The following SCAP variants were observed in gnomAD, a reference collection of about 807,000 sequenced individuals.
SCAP encodes the protein sterol regulatory element-binding protein cleavage-activating protein.
In SCAP, 65 loss-of-function variants were observed where a neutral mutation model predicts 123.6. The ratio of observed to expected loss-of-function variants is 0.53; its 90% CI spans 0.43 to 0.65. The LOEUF is 0.65. SCAP is among the 30% of genes least tolerant of loss of function. The pLI, the probability that SCAP is intolerant of heterozygous loss-of-function variation, is 0.00. For synonymous variants in SCAP, 740 were observed against 726.3 expected (o/e 1.02, Z -0.30); for missense variants, 1,398 against 1,712.5 (o/e 0.82, Z 3.24).
Position 47,420,422 on chromosome 3 carries a change from G to C in SCAP, c.1563+132C>G. Reference sequence around the variant, plus strand: ...GGAGGACACAACGGGCAACTCCCCAGAGCCAGGCTTCCAGGGGCCACCAGG... The same window carrying C: ...GGAGGACACAACGGGCAACTCCCCACAGCCAGGCTTCCAGGGGCCACCAGG... On this transcript the variant is annotated intron_variant, in intron 12 of 22. Transcript: ENST00000265565. The surrounding 1 kb of genome is among the most constrained non-coding windows in gnomAD (Gnocchi z 5.0). The C allele has an allele frequency of 1.2e-6, 1 of 801,504 alleles. No individual in the cohort carries two copies. The highest frequency in any genetic ancestry group is 1.9e-6 in the Non-Finnish European group (1 of 520,270). The allele number at this position is 801,504 out of a possible 1,614,324, so 49.6% of individuals were successfully genotyped here.
rs779234569 is a variant in SCAP, at chr3:47,443,013, G to A, written c.-20C>T. ...GGTCATCCTCAGCCGAAGTCACCTT[G>A]CTGCCATCCCGGAAAGTGACCATGG... On this transcript the variant is annotated 5_prime_UTR_variant, in exon 2 of 23. Transcript: ENST00000265565. 1.2e-6 allele frequency: 2 copies of A among 1,613,032 alleles called. No individual in the cohort carries two copies. Among genetic ancestry groups the A allele is most frequent in the Non-Finnish European group, 1.7e-6 (2 of 1,179,962 alleles).
chr3:47,466,345 C>T (rs184277376), intron 1 of SCAP, among the ~76,000 whole-genome samples: 82 of 152,048 alleles, frequency 5.4e-4, no homozygotes, highest in Non-Finnish European at 9.3e-4. Context: ...AATAGAGAGC[C>T]CAGATCTTCT....
chr3:47,446,600 T>C (rs1284259295), intron 1 of SCAP, among the ~76,000 whole-genome samples: 1 of 152,140 alleles, frequency 6.6e-6, no homozygotes, highest in African/African-American at 2.4e-5. Flanking sequence ...CATAAGGTAA[T>C]TTTCCCCAAT....
In SCAP at chr3:47,443,084, G is replaced by A; in HGVS notation, c.-91C>T. ...ACAGCACTGACAAAGAACAACATGTGCAGGTACCTGGTAAGAAGGGAGAAA... is the reference window on the plus strand; with the variant it reads ...ACAGCACTGACAAAGAACAACATGTACAGGTACCTGGTAAGAAGGGAGAAA... On this transcript the variant is annotated 5_prime_UTR_variant, in exon 2 of 23. Coordinates refer to ENST00000265565, the MANE Select transcript of SCAP (RefSeq NM_012235.4). The A allele has an allele frequency of 3.2e-6, 5 of 1,582,778 alleles. No individual in the cohort carries two copies. Among genetic ancestry groups the A allele is most frequent in the East Asian group, 4.5e-5 (2 of 44,210 alleles).
Position 47,420,510 on chromosome 3 carries a change from C to A in SCAP, c.1563+44G>T. Reference sequence around the variant, plus strand: ...CAGCACCACAAGGGGCCTGGAGCACCGGCCCTCCAGAAGAGGGCAGGGCAG... The same window carrying A: ...CAGCACCACAAGGGGCCTGGAGCACAGGCCCTCCAGAAGAGGGCAGGGCAG... On this transcript the variant is annotated intron_variant, in intron 12 of 22. Coordinates refer to ENST00000265565, the MANE Select transcript of SCAP (RefSeq NM_012235.4). The surrounding 1 kb of genome is among the most constrained non-coding windows in gnomAD (Gnocchi z 5.0). 6.6e-7 allele frequency: 1 copy of A among 1,505,256 alleles called. No individual in the cohort carries two copies. The highest frequency in any genetic ancestry group is 2.3e-5 in the East Asian group (1 of 42,660). 93.2% of individuals were successfully genotyped at this position (1,505,256 alleles called of 1,614,324 possible).
chr3:47,475,675 T>C (rs905141734), intron 1 of SCAP, 124 bp downstream of exon 1: 6 of 152,656 alleles, frequency 3.9e-5, no homozygotes, highest in African/African-American at 1.4e-4. Flanking sequence ...GCACGGCTGC[T>C]GGACAGCGCC....
intron 1 of SCAP, among the ~76,000 whole-genome samples, chr3:47,456,333 G>T (rs1707423558): frequency 6.6e-6 from 1 of 152,016 alleles, no homozygotes; most frequent in African/African-American, 2.4e-5. Flanking sequence ...GCCTGGCAAG[G>T]TCCAGGCTGT....
intron 1 of SCAP, among the ~76,000 whole-genome samples, chr3:47,454,499 G>A (rs1417812796): frequency 6.6e-6 from 1 of 152,092 alleles, no homozygotes; most frequent in East Asian, 1.9e-4. Context: ...GACCAAGGCT[G>A]GTGGATCGTT....
chr3:47,453,918 C>A (rs1234661931), intron 1 of SCAP, among the ~76,000 whole-genome samples: 1 of 152,178 alleles, frequency 6.6e-6, no homozygotes, highest in Non-Finnish European at 1.5e-5. Context: ...AATGCTATTT[C>A]CTCCATAAGC....
At chr3:47,428,399 T>G in intron 4 of SCAP, 114 bp downstream of exon 4, 1 of 1,127,956 alleles carries the variant, frequency 8.9e-7, no homozygotes, top group Non-Finnish European at 1.3e-6. Flanking sequence ...CCATCCTTCT[T>G]GCTTGTTCTA....
At chr3:47,422,635 G>GC (rs1024255208) in intron 9 of SCAP, 99 bp from the exon 10 acceptor site, 25 of 916,608 alleles carry the variant, frequency 2.7e-5, no homozygotes, top group Non-Finnish European at 3.8e-5. Context: ...GCATGGCAAG[G>GC]CCCCCCAGCC....
At chr3:47,435,902 T>C (rs1041824267) in intron 2 of SCAP, among the ~76,000 whole-genome samples, 8 of 151,924 alleles carry the variant, frequency 5.3e-5, no homozygotes, top group African/African-American at 1.9e-4. Flanking sequence ...TCAAAAAAAT[T>C]AGCCAGGCAT....
At chr3:47,416,249 C>A (rs1705565442) in intron 18 of SCAP, among the ~76,000 whole-genome samples, 1 of 152,210 alleles carries the variant, frequency 6.6e-6, no homozygotes, top group Non-Finnish European at 1.5e-5. Flanking sequence ...CCCAGGTTCA[C>A]CAGCTTGGAG....
At chr3:47,427,976 C>G (rs907593073) in intron 4 of SCAP, among the ~76,000 whole-genome samples, 1 of 152,172 alleles carries the variant, frequency 6.6e-6, no homozygotes, top group African/African-American at 2.4e-5. Flanking sequence ...AGTGGATGAG[C>G]AGGGACCGGG....
intron 3 of SCAP, among the ~76,000 whole-genome samples, chr3:47,429,681 G>A (rs1326790532): frequency 6.6e-6 from 1 of 152,090 alleles, no homozygotes; most frequent in Non-Finnish European, 1.5e-5. Context: ...AGGCTGGTTA[G>A]TGCCTGTTTT....
At chr3:47,466,935 C>T (rs1707849465) in intron 1 of SCAP, among the ~76,000 whole-genome samples, 1 of 150,954 alleles carries the variant, frequency 6.6e-6, no homozygotes, top group South Asian at 2.1e-4. Flanking sequence ...AAAATAAATA[C>T]AAAAAAAATT....
At chr3:47,469,842 T>C (rs996580467) in intron 1 of SCAP, 42 of 584,226 alleles carry the variant, frequency 7.2e-5, no homozygotes, top group Non-Finnish European at 1.3e-4. Flanking sequence ...CAAGACTCCA[T>C]TTTGATCATA....
chr3:47,441,375 G>A (rs1706799478), intron 2 of SCAP, among the ~76,000 whole-genome samples: 1 of 152,126 alleles, frequency 6.6e-6, no homozygotes, highest in African/African-American at 2.4e-5. Context: ...GGCTGAGATG[G>A]GAGGGTCGCT....
chr3:47,441,559 C>A (rs1367525102), intron 2 of SCAP, among the ~76,000 whole-genome samples: 2 of 152,134 alleles, frequency 1.3e-5, no homozygotes, highest in East Asian at 3.9e-4. Context: ...ACTCCAAATT[C>A]ATCACTTATG....
Sources: gnomAD v4.1 joint callset for allele counts (sites outside exome capture counted in the v4.1 genomes callset) on GRCh38, gnomAD v4.1.1 for gene constraint, Gnocchi (gnomAD v3.1) non-coding constraint, MANE v1.5 for transcripts, NCBI Gene and HGNC (gene_info 2026-07-23, HGNC 2026-07-21) for gene names.